Variants in SDAD1 observed in about 807,000 individuals in gnomAD.
SDAD1 encodes the protein SDA1 domain containing 1, also known as protein SDA1 homolog.
Under a neutral mutation model 100.3 loss-of-function variants are expected in SDAD1, and 79 were observed. The observed-to-expected ratio is 0.79, with a 90% CI of 0.66 to 0.95. SDAD1 has a LOEUF of 0.95. SDAD1 is among the 40% of genes least tolerant of loss of function. The probability of loss-of-function intolerance (pLI) is 0.00; values close to 1 mark genes in which losing one functional copy is unlikely to be tolerated. For missense variants in SDAD1, 790 were observed against 810.9 expected (o/e 0.97, Z 0.31); for synonymous variants, 267 against 271.4 (o/e 0.98, Z 0.16).
intron 6 of SDAD1, among the ~76,000 whole-genome samples, chr4:75,974,544 C>T (rs1219023122): frequency 6.6e-6 from 1 of 151,664 alleles, no homozygotes; most frequent in African/African-American, 2.4e-5. Context: ...AGTGAAACCC[C>T]ATCTCTACAC....
At chr4:75,954,373 C>T (rs1728772368) in intron 21 of SDAD1, among the ~76,000 whole-genome samples, 1 of 149,146 alleles carries the variant, frequency 6.7e-6, no homozygotes, top group Non-Finnish European at 1.5e-5. Flanking sequence ...CAGAGCGAGA[C>T]TCTGTCTCAA....
chr4:75,967,629 GT>G (rs1729621613), intron 11 of SDAD1, among the ~76,000 whole-genome samples: 1 of 152,178 alleles, frequency 6.6e-6, no homozygotes, highest in African/African-American at 2.4e-5. Context: ...CTTAAAACTG[GT>G]GTGGCTGCAG....
chr4:75,956,361 C>A (rs184268243), intron 20 of SDAD1, among the ~76,000 whole-genome samples: 1 of 149,780 alleles, frequency 6.7e-6, no homozygotes, highest in Admixed American at 6.7e-5. Context: ...CTGGTGAGGT[C>A]AGGGGAACTT....
intron 1 of SDAD1, among the ~76,000 whole-genome samples, chr4:75,988,512 T>C (rs772746880): frequency 1.3e-4 from 20 of 152,180 alleles, no homozygotes; most frequent in Non-Finnish European, 2.1e-4. Context: ...GCAATACCCA[T>C]CTCACCCCCA....
chr4:75,952,704 T>C (rs1393568402), intron 21 of SDAD1, among the ~76,000 whole-genome samples: 3 of 152,178 alleles, frequency 2.0e-5, no homozygotes, highest in African/African-American at 4.8e-5. Context: ...TCTGTAACTG[T>C]TGTGTCCAAT....
chr4:75,971,091 A>G (rs1729843141), intron 9 of SDAD1, among the ~76,000 whole-genome samples: 1 of 152,270 alleles, frequency 6.6e-6, no homozygotes, highest in Non-Finnish European at 1.5e-5. Context: ...CTGACAAAAC[A>G]TGTCTAGCAA....
chr4:75,985,729 C>T (rs1730852017), intron 1 of SDAD1, among the ~76,000 whole-genome samples: 1 of 152,198 alleles, frequency 6.6e-6, no homozygotes, highest in African/African-American at 2.4e-5. Context: ...GCACTCACTT[C>T]CATGGTCACA....
At chr4:75,973,673 C>A (rs1186348107) in intron 7 of SDAD1, among the ~76,000 whole-genome samples, 1 of 152,134 alleles carries the variant, frequency 6.6e-6, no homozygotes, top group Non-Finnish European at 1.5e-5. Context: ...CATTGCAGTT[C>A]TTCTAACAGA....
At chr4:75,988,791 T>A (rs182637902) in intron 1 of SDAD1, among the ~76,000 whole-genome samples, 21 of 152,108 alleles carry the variant, frequency 1.4e-4, no homozygotes, top group Admixed American at 1.4e-3. Flanking sequence ...ACCTGGGTGA[T>A]CCTTCATTCC....
intron 21 of SDAD1, among the ~76,000 whole-genome samples, chr4:75,951,359 AAGTAT>A (rs1369945600): frequency 1.3e-5 from 2 of 152,220 alleles, no homozygotes; most frequent in Non-Finnish European, 2.9e-5. Flanking sequence ...AAAATGTTCT[AAGTAT>A]ATGCTAACAC....
In SDAD1 at chr4:75,950,107, A is replaced by C. The variant is rs1293950619; in HGVS notation, c.*643T>G. On this transcript the variant is annotated 3_prime_UTR_variant, in exon 22 of 22. Coordinates refer to ENST00000356260, the MANE Select transcript of SDAD1 (RefSeq NM_018115.4). ...ACCAAAAAGCCTTTACATGGCATTC[A>C]AAACAAAAACAAAAACAAAAAAAAC... is the stretch of plus-strand genomic sequence containing the variant. The C allele has an allele frequency of 7.4e-6, 1 of 134,436 alleles. No homozygotes were observed. The highest frequency in any genetic ancestry group is 2.4e-4 in the East Asian group (1 of 4,090). 8.3% of individuals were successfully genotyped at this position (134,436 alleles called of 1,614,324 possible). A position where few individuals can be genotyped will look rare whatever the true frequency, so the allele number is the denominator to read the frequency against.
intron 1 of SDAD1, among the ~76,000 whole-genome samples, chr4:75,987,683 G>T (rs933410306): frequency 6.6e-6 from 1 of 152,082 alleles, no homozygotes; most frequent in African/African-American, 2.4e-5. Context: ...TGTATTTTTA[G>T]TAGAGATGGG....
intron 13 of SDAD1, 115 bp downstream of exon 13, chr4:75,965,649 G>GA (rs1365795714): frequency 6.0e-6 from 5 of 834,630 alleles, no homozygotes; most frequent in African/African-American, 1.7e-5. Context: ...ACAAGAAATA[G>GA]AAAAAAACCC....
chr4:75,977,876 G>A (rs528149366), intron 3 of SDAD1, 120 bp from the exon 4 acceptor site: 1 of 630,736 alleles, frequency 1.6e-6, no homozygotes, highest in Non-Finnish European at 2.8e-6. Flanking sequence ...GTAGGATTCA[G>A]AATAGTCAGT....
At chr4:75,955,325 G>A (rs528734246) in intron 21 of SDAD1, among the ~76,000 whole-genome samples, 15 of 152,170 alleles carry the variant, frequency 9.9e-5, no homozygotes, top group African/African-American at 3.6e-4. Context: ...TGGCAGCATC[G>A]CAGGACCAGA....
intron 14 of SDAD1, 147 bp downstream of exon 14, chr4:75,963,988 T>C: frequency 1.8e-6 from 1 of 562,294 alleles, no homozygotes; most frequent in Non-Finnish European, 3.1e-6. Flanking sequence ...ATAAAAAAAT[T>C]ATCAAGCCTC....
At position 75,990,802 on chromosome 4, in the gene SDAD1, G is replaced by A. The variant is rs748620080; in HGVS notation, c.40C>T (p.Pro14Ser). 6.2e-6 allele frequency: 10 copies of A among 1,614,154 alleles called. No individual in the cohort carries two copies. Among genetic ancestry groups the A allele is most frequent in the Admixed American group, 1.7e-5 (1 of 60,024 alleles). The change falls in exon 1 of 22, where the codon CCG becomes TCG. Residue 14 changes from proline (P) to serine (S), a missense_variant. Physicochemically the swap from Pro to Ser is moderately conservative, Grantham distance 74. Coordinates refer to ENST00000356260, the MANE Select transcript of SDAD1 (RefSeq NM_018115.4). ...CGCTTGATTAGATTCTGTAACTGCG[G>A]CAGGTTGCTGGGAAGCTTGTTGTTG... ...RNNNKLPSNL[P>S]QLQNLIKRDP...
chr4:75,980,193 C>T (rs1278762332), intron 3 of SDAD1, among the ~76,000 whole-genome samples: 2 of 152,150 alleles, frequency 1.3e-5, no homozygotes, highest in African/African-American at 2.4e-5. Flanking sequence ...AGTTTGGAGT[C>T]CCTTGGGCTA....
Position 75,975,312 on chromosome 4 carries a change from A to G in SDAD1, c.578+432T>C, listed in dbSNP as rs542107221. On this transcript the variant is annotated intron_variant, in intron 6 of 21. Coordinates refer to ENST00000356260, the MANE Select transcript of SDAD1 (RefSeq NM_018115.4). ...AACAAACTGAAGTGTACGAAGCATG[A>G]TATTTTATATAAATAGGATGAATTG... Among the ~76,000 whole-genome samples, 3 of 152,348 alleles carry G rather than the reference A, an allele frequency of 2.0e-5. No homozygotes were observed. In the East Asian group the frequency reaches 5.8e-4, roughly 29 times the overall value.
Sources: allele counts gnomAD v4.1 joint callset (sites outside exome capture counted in the v4.1 genomes callset), GRCh38; gene constraint gnomAD v4.1.1; transcripts MANE v1.5; gene names NCBI Gene and HGNC (gene_info 2026-07-23, HGNC 2026-07-21).